GMEB1: variants seen among roughly 807,000 people sequenced by gnomAD.
GMEB1 encodes the protein glucocorticoid modulatory element binding protein 1.
In GMEB1, 6 loss-of-function variants were observed where a neutral mutation model predicts 52.4. The observed-to-expected ratio is 0.11, with a 90% CI of 0.06 to 0.23. The LOEUF (loss-of-function observed/expected upper bound fraction) is 0.23, where lower values mean the gene tolerates loss of function less well. GMEB1 is among the 10% of genes least tolerant of loss of function. GMEB1 has a pLI of 1.00. For missense variants in GMEB1, 486 were observed against 685.6 expected, an observed-to-expected ratio of 0.71 and a Z score of 3.25; for synonymous variants, 255 against 244.9, an observed-to-expected ratio of 1.04 and a Z score of -0.38.
At chr1:28,710,675 A>G in intron 9 of GMEB1, 33 bp downstream of exon 9, 1 of 1,432,658 alleles carries the variant, frequency 7.0e-7, no homozygotes, top group Non-Finnish European at 9.3e-7. Context: ...CTTCGGTGAT[A>G]TCATGCTAAT....
At chr1:28,696,136 C>T (rs1387156975) in intron 5 of GMEB1, among the ~76,000 whole-genome samples, 3 of 151,478 alleles carry the variant, frequency 2.0e-5, no homozygotes, top group African/African-American at 7.3e-5. Context: ...GGCGTGATCT[C>T]AGCTTACTGC....
rs1431153388 is a variant in GMEB1 at position 28,714,377 on chromosome 1, C to T, written c.1296C>T (p.Gly432=). 13 of 1,614,250 alleles carry T rather than the reference C, an allele frequency of 8.1e-6. No homozygotes were observed. Among genetic ancestry groups the T allele is most frequent in the Non-Finnish European group, 1.1e-5 (13 of 1,180,044 alleles). The change falls in exon 10 of 10, where the codon GGC becomes GGT. Residue 432 remains glycine, a synonymous_variant. Transcript: ENST00000373816. ...TGACTGTCCACACACTGCCTTCTGGCCCTCAGCTCTTCCGCTATGCCACAG... is the reference window on the plus strand; with the variant it reads ...TGACTGTCCACACACTGCCTTCTGGTCCTCAGCTCTTCCGCTATGCCACAG... ...SPVTVHTLPS[G]PQLFRYATVV...
intron 8 of GMEB1, among the ~76,000 whole-genome samples, chr1:28,705,572 C>T (rs966789223): frequency 1.3e-5 from 2 of 150,900 alleles, no homozygotes; most frequent in African/African-American, 4.9e-5. Flanking sequence ...GCCTTAGACT[C>T]CTGAGTAGCT....
chr1:28,713,250 A>G (rs1671146314), intron 9 of GMEB1, among the ~76,000 whole-genome samples: 1 of 151,924 alleles, frequency 6.6e-6, no homozygotes, highest in Non-Finnish European at 1.5e-5. Flanking sequence ...CTAAATATGT[A>G]TTTCTTATTA....
rs1319753146 is a variant in GMEB1 at position 28,687,373 on chromosome 1, C to CAAAAAAAAAA, written c.129-2730_129-2729insAAAAAAAAAA. 1.1e-3 allele frequency among the ~76,000 whole-genome samples: 26 copies of CAAAAAAAAAA among 23,912 alleles called. 5 individuals are homozygous for CAAAAAAAAAA. The highest frequency in any genetic ancestry group is 5.6e-3 in the African/African-American group (25 of 4,486). 15.7% of individuals were successfully genotyped at this position (23,912 alleles called of 152,430 possible). A position where few individuals can be genotyped will look rare whatever the true frequency, so the allele number is the denominator to read the frequency against. ...ACACACACACACACACACACACACACACACACACACACACAAAAAAAGACA... is the reference window on the plus strand; with the variant it reads ...ACACACACACACACACACACACACACAAAAAAAAAAACACACACACACACAAAAAAAGACA... On this transcript the variant is annotated intron_variant, in intron 2 of 9. Transcript: ENST00000373816.
chr1:28,678,652 T>C (rs1293392189), intron 1 of GMEB1, among the ~76,000 whole-genome samples: 1 of 152,022 alleles, frequency 6.6e-6, no homozygotes. Context: ...AGACTCTTGC[T>C]TTGTCACCTA....
intron 8 of GMEB1, among the ~76,000 whole-genome samples, chr1:28,708,146 G>A (rs1210395151): frequency 6.6e-6 from 1 of 152,074 alleles, no homozygotes; most frequent in Non-Finnish European, 1.5e-5. Flanking sequence ...CAATCCACCT[G>A]GCTTAGCCTC....
intron 8 of GMEB1, 117 bp downstream of exon 8, chr1:28,704,446 A>G (rs899911869): frequency 2.7e-6 from 2 of 748,944 alleles, no homozygotes; most frequent in Non-Finnish European, 4.0e-6. Context: ...AATTTTACAG[A>G]TAAGGAAACT....
At chr1:28,707,172 C>T (rs772436405) in intron 8 of GMEB1, among the ~76,000 whole-genome samples, 35 of 150,256 alleles carry the variant, frequency 2.3e-4, no homozygotes, top group Non-Finnish European at 5.9e-5. Flanking sequence ...TTTGTAGAGA[C>T]GGGGTTTCAC....
At chr1:28,691,352 G>C (rs1669953818) in intron 3 of GMEB1, among the ~76,000 whole-genome samples, 1 of 152,092 alleles carries the variant, frequency 6.6e-6, no homozygotes, top group South Asian at 2.1e-4. Flanking sequence ...TCACAGGTTT[G>C]TTGTAAGAAC....
intron 5 of GMEB1, 77 bp from the exon 6 acceptor site, chr1:28,696,850 C>T (rs749836292): frequency 6.7e-5 from 74 of 1,111,526 alleles, no homozygotes; most frequent in Non-Finnish European, 8.6e-5. Flanking sequence ...CAGTGTTGTC[C>T]CTATTTTTCC....
upstream of GMEB1, among the ~76,000 whole-genome samples, chr1:28,668,440 G>GGGGAGGTAAATGGAGTAGAGTCCT (rs1287849093): frequency 6.6e-6 from 1 of 152,100 alleles, no homozygotes; most frequent in Non-Finnish European, 1.5e-5. Flanking sequence ...AACAGGATTT[G>GGGGAGGTAAATGGAGTAGAGTCCT]GGGAGGTAAA....
At chr1:28,671,104 C>T (rs962511421) in intron 1 of GMEB1, among the ~76,000 whole-genome samples, 1 of 152,146 alleles carries the variant, frequency 6.6e-6, no homozygotes, top group African/African-American at 2.4e-5. Context: ...GCATAATTTA[C>T]TTGTTGACCT....
At chr1:28,679,169 C>T (rs922070703) in intron 1 of GMEB1, among the ~76,000 whole-genome samples, 2 of 151,276 alleles carry the variant, frequency 1.3e-5, no homozygotes, top group African/African-American at 4.9e-5. Context: ...CAGGCATGAG[C>T]CACCACACCT....
intron 1 of GMEB1, among the ~76,000 whole-genome samples, chr1:28,675,829 A>G (rs552450729): frequency 9.8e-5 from 15 of 152,350 alleles, no homozygotes; most frequent in Admixed American, 2.0e-4. Flanking sequence ...GTTGCTGTAA[A>G]CAAGAGCTAC....
At chr1:28,680,218 C>T (rs1669334775) in intron 1 of GMEB1, among the ~76,000 whole-genome samples, 1 of 150,742 alleles carries the variant, frequency 6.6e-6, no homozygotes, top group South Asian at 2.1e-4. Flanking sequence ...CTGTCTCTAT[C>T]TTTAAATAAA....
At chr1:28,678,140 C>CTAG (rs1018126537) in intron 1 of GMEB1, among the ~76,000 whole-genome samples, 1 of 150,314 alleles carries the variant, frequency 6.7e-6, no homozygotes, top group African/African-American at 2.4e-5. Flanking sequence ...GCCTAGATCA[C>CTAG]ACCACACCAC....
At chr1:28,692,220 G>A (rs1182911491) in intron 4 of GMEB1, among the ~76,000 whole-genome samples, 1 of 149,830 alleles carries the variant, frequency 6.7e-6, no homozygotes, top group East Asian at 2.0e-4. Context: ...GCCTAGGCTG[G>A]AAAACCTTGC....
intron 6 of GMEB1, among the ~76,000 whole-genome samples, chr1:28,701,436 A>C (rs1361632054): frequency 2.0e-5 from 3 of 149,174 alleles, no homozygotes; most frequent in African/African-American, 7.4e-5. Flanking sequence ...CACCCGGCTA[A>C]TTTTTTGTAT....
Sources: allele counts gnomAD v4.1 joint callset (sites outside exome capture counted in the v4.1 genomes callset), GRCh38; gene constraint gnomAD v4.1.1; transcripts MANE v1.5; gene names NCBI Gene and HGNC (gene_info 2026-07-23, HGNC 2026-07-21).